The following CEP55 variants were observed in gnomAD, a reference collection of about 807,000 sequenced individuals.
The protein encoded by CEP55 is centrosomal protein of 55 kDa.
In CEP55, 57 loss-of-function variants were observed where a neutral mutation model predicts 63.2. The ratio of observed to expected loss-of-function variants is 0.90; its 90% CI spans 0.73 to 1.13. CEP55 has a LOEUF of 1.13. Among genes scored for constraint, CEP55 ranks in the 50% most tolerant of loss-of-function variants. The pLI, the probability that CEP55 is intolerant of heterozygous loss-of-function variation, is 0.00. For missense variants in CEP55, 456 were observed against 518.9 expected (o/e 0.88, Z 1.18); for synonymous variants, 178 against 191.6 (o/e 0.93, Z 0.59).
intron 8 of CEP55, among the ~76,000 whole-genome samples, chr10:93,526,871 G>A (rs532017248): frequency 6.6e-6 from 1 of 152,172 alleles, no homozygotes; most frequent in Admixed American, 6.5e-5. Flanking sequence ...CTCATAGGTG[G>A]GATTTGAACA....
In CEP55 at chr10:93,518,964, G is replaced by C. The variant is rs1158878875; in HGVS notation, c.1065+16G>C. 6.2e-7 allele frequency: 1 copy of C among 1,601,962 alleles called. No individual in the cohort carries two copies. Among genetic ancestry groups the C allele is most frequent in the African/African-American group, 1.3e-5 (1 of 74,846 alleles). On this transcript the variant is annotated intron_variant, in intron 7 of 8. Coordinates refer to ENST00000371485, the MANE Select transcript of CEP55 (RefSeq NM_018131.5). ...GGAACAACAGGTACTCATTCGGGTT[G>C]CTTCTAAATTCAATTCTGCCTGTTA... is the stretch of plus-strand genomic sequence containing the variant.
rs1401852519 is a variant in CEP55 at position 93,526,686 on chromosome 10, A to ACG, written c.1192-1264_1192-1263insCG. 2.4e-3 allele frequency among the ~76,000 whole-genome samples: 362 copies of ACG among 152,318 alleles called. 2 individuals carry two copies. The highest frequency in any genetic ancestry group is 6.8e-3 in the Middle Eastern group (2 of 294). On this transcript the variant is annotated intron_variant, in intron 8 of 8. Coordinates refer to ENST00000371485, the MANE Select transcript of CEP55 (RefSeq NM_018131.5). ...ATAGCAAAGACTTGGAACCAACCCA[A>ACG]ATGTCCAACAACGATAGACTGGATT...
In CEP55 at chr10:93,503,408, A is replaced by G; in HGVS notation, c.459+20A>G. On this transcript the variant is annotated intron_variant, in intron 3 of 8. Transcript: ENST00000371485. ...TCACAGGTGCTAATCATTTCTTTAA[A>G]CCCAGATTTTTTTTTTCTTTCTGAT... 4 of 1,583,192 alleles carry G rather than the reference A, an allele frequency of 2.5e-6. No homozygotes were observed. The highest frequency in any genetic ancestry group is 3.4e-6 in the Non-Finnish European group (4 of 1,165,894).
rs1396189197 is a variant in CEP55 at position 93,527,785 on chromosome 10, G to A, written c.1192-165G>A. 3.3e-5 allele frequency among the ~76,000 whole-genome samples: 5 copies of A among 152,056 alleles called. No individual in the cohort carries two copies. The East Asian group carries it at 7.7e-4, about 24-fold the overall frequency. On this transcript the variant is annotated intron_variant, in intron 8 of 8. Transcript: ENST00000371485. Reference sequence around the variant, plus strand: ...AGTCCCAGCTACTTAGGAGGCTGAGGTGAGAGGATTGCTTAAGCCTGGGAG... The same window carrying A: ...AGTCCCAGCTACTTAGGAGGCTGAGATGAGAGGATTGCTTAAGCCTGGGAG...
intron 3 of CEP55, among the ~76,000 whole-genome samples, chr10:93,505,851 CT>C (rs1554879877): frequency 1.5e-4 from 15 of 101,884 alleles, no homozygotes; most frequent in East Asian, 6.1e-4. Flanking sequence ...ATAATTAATA[CT>C]TTTTTTTTTT....
chr10:93,501,765 A>T (rs928932820), intron 2 of CEP55, among the ~76,000 whole-genome samples: 3 of 152,228 alleles, frequency 2.0e-5, no homozygotes, highest in African/African-American at 7.2e-5. Flanking sequence ...AAACTGATTT[A>T]TTTTTTGTAA....
At chr10:93,520,628 C>T (rs2057851345) in intron 8 of CEP55, among the ~76,000 whole-genome samples, 1 of 151,942 alleles carries the variant, frequency 6.6e-6, no homozygotes, top group African/African-American at 2.4e-5. Context: ...TACTAATAAG[C>T]TTTTGGACCA....
chr10:93,521,563 T>C (rs1196362129), intron 8 of CEP55, among the ~76,000 whole-genome samples: 1 of 152,162 alleles, frequency 6.6e-6, no homozygotes, highest in Admixed American at 6.5e-5. Context: ...TCTGCAGACT[T>C]AAATGTCCCT....
chr10:93,522,253 G>A lies in CEP55; in HGVS notation c.1191+2446G>A, dbSNP rs142564326. 4.9e-3 allele frequency among the ~76,000 whole-genome samples: 739 copies of A among 152,302 alleles called. 5 individuals are homozygous for A. The highest frequency in any genetic ancestry group is 0.017 in the African/African-American group (715 of 41,576). ...AGAGAAGTCCTTAAAGGACCAGATG[G>A]AGCTGAAAATCACAGCACGAGAACA... On this transcript the variant is annotated intron_variant, in intron 8 of 8. Coordinates refer to ENST00000371485, the MANE Select transcript of CEP55 (RefSeq NM_018131.5).
intron 3 of CEP55, among the ~76,000 whole-genome samples, chr10:93,506,763 G>T (rs931371427): frequency 2.0e-5 from 3 of 152,084 alleles, no homozygotes; most frequent in African/African-American, 7.2e-5. Context: ...TAGTAGAGAT[G>T]GGTTTTCGCC....
chr10:93,505,588 T>C (rs1434278769), intron 3 of CEP55, among the ~76,000 whole-genome samples: 1 of 152,170 alleles, frequency 6.6e-6, no homozygotes, highest in East Asian at 1.9e-4. Flanking sequence ...GAGGACTGAA[T>C]TGAGAGAGAG....
chr10:93,504,443 G>A (rs925789341), intron 3 of CEP55, among the ~76,000 whole-genome samples: 4 of 151,256 alleles, frequency 2.6e-5, no homozygotes, highest in African/African-American at 7.3e-5. Context: ...ACTGTACTCC[G>A]GCCTGGGTGA....
In CEP55 at chr10:93,500,089, AGT is replaced by A. The variant is rs2057616899; in HGVS notation, c.40_41del (p.Trp14GlyfsTer5). Reference sequence around the variant, plus strand: ...AGTACCAAAGATTTAATTAAAAGTAAGTGGGGATCGAAGCCTAGTAACTCCAA... The same window carrying A: ...AGTACCAAAGATTTAATTAAAAGTAAGGGGATCGAAGCCTAGTAACTCCAA... On this transcript the variant is annotated frameshift_variant, in exon 2 of 9. Coordinates refer to ENST00000371485, the MANE Select transcript of CEP55 (RefSeq NM_018131.5). LOFTEE classifies it high-confidence loss of function. 11 of 1,611,542 alleles carry A rather than the reference AGT, an allele frequency of 6.8e-6. No individual in the cohort carries two copies. The highest frequency in any genetic ancestry group is 9.3e-6 in the Non-Finnish European group (11 of 1,179,170).
At position 93,509,297 on chromosome 10, in the gene CEP55, C is replaced by A. The variant is rs188337392; in HGVS notation, c.528+2241C>A. Among the ~76,000 whole-genome samples, 527 of 152,140 alleles carry A rather than the reference C, an allele frequency of 3.5e-3. 4 individuals carry two copies. Among genetic ancestry groups the A allele is most frequent in the African/African-American group, 0.012 (500 of 41,512 alleles). Reference sequence around the variant, plus strand: ...CCTCTGTCTTAGAAAGGCGTTTATACAAATGGGGTAAAATTTAACCCAACT... The same window carrying A: ...CCTCTGTCTTAGAAAGGCGTTTATAAAAATGGGGTAAAATTTAACCCAACT... On this transcript the variant is annotated intron_variant, in intron 4 of 8. Transcript: ENST00000371485.
chr10:93,528,948 A>G lies in CEP55; in HGVS notation c.*795A>G, dbSNP rs2057952604. The G allele has an allele frequency of 6.6e-6, 1 of 152,238 alleles. No individual in the cohort carries two copies. The highest frequency in any genetic ancestry group is 2.4e-5 in the African/African-American group (1 of 41,466). The allele number at this position is 152,238 out of a possible 1,614,324, so 9.4% of individuals were successfully genotyped here. A position where few individuals can be genotyped will look rare whatever the true frequency, so the allele number is the denominator to read the frequency against. ...GGCATTCTTAAAGCTGGGCAATGTAATGATCAGATCTTTGTTTGTCTGAAC... is the reference window on the plus strand; with the variant it reads ...GGCATTCTTAAAGCTGGGCAATGTAGTGATCAGATCTTTGTTTGTCTGAAC... On this transcript the variant is annotated 3_prime_UTR_variant, in exon 9 of 9. Coordinates refer to ENST00000371485, the MANE Select transcript of CEP55 (RefSeq NM_018131.5).
chr10:93,514,178 C>T (rs10748604), intron 4 of CEP55, among the ~76,000 whole-genome samples: 77,325 of 151,892 alleles, frequency 0.51, 20,691 homozygotes, highest in Admixed American at 0.63. Context: ...AGTAATCCGC[C>T]CGCCTCGGCC....
At chr10:93,511,132 G>C (rs1382005662) in intron 4 of CEP55, among the ~76,000 whole-genome samples, 1 of 151,808 alleles carries the variant, frequency 6.6e-6, no homozygotes, top group Non-Finnish European at 1.5e-5. Context: ...GTAGAGACGG[G>C]GTTTCACCAT....
chr10:93,527,120 G>T (rs1199860351), intron 8 of CEP55, among the ~76,000 whole-genome samples: 1 of 151,634 alleles, frequency 6.6e-6, no homozygotes, highest in African/African-American at 2.4e-5. Flanking sequence ...CCTGTACTTT[G>T]TTCCTGCTAT....
At chr10:93,517,342 A>G in intron 6 of CEP55, 94 bp downstream of exon 6, 1 of 935,494 alleles carries the variant, frequency 1.1e-6, no homozygotes, top group Non-Finnish European at 1.6e-6. Context: ...CTAGGGACAA[A>G]ACAAATTCCT....
Sources: allele counts gnomAD v4.1 joint callset (sites outside exome capture counted in the v4.1 genomes callset), GRCh38; gene constraint gnomAD v4.1.1; transcripts MANE v1.5; gene names NCBI Gene and HGNC (gene_info 2026-07-23, HGNC 2026-07-21).